The following CACNA2D1 variants were observed in gnomAD, a reference collection of about 807,000 sequenced individuals.
CACNA2D1 encodes calcium voltage-gated channel auxiliary subunit alpha2delta 1.
In CACNA2D1, 53 loss-of-function variants were observed where a neutral mutation model predicts 171.5. The ratio of observed to expected loss-of-function variants is 0.31; its 90% CI spans 0.25 to 0.39. The LOEUF is 0.39. Ranked by LOEUF, CACNA2D1 falls within the 10% of genes least tolerant of loss-of-function variation. The pLI, the probability that CACNA2D1 is intolerant of heterozygous loss-of-function variation, is 1.00. For missense variants in CACNA2D1, 903 were observed against 1,299.8 expected, an observed-to-expected ratio of 0.69 and a Z score of 4.69; for synonymous variants, 442 against 443.1, an observed-to-expected ratio of 1.00 and a Z score of 0.03.
At chr7:82,388,062 C>CA (rs772179078) in intron 1 of CACNA2D1, among the ~76,000 whole-genome samples, 2,362 of 78,714 alleles carry the variant, frequency 0.03, 53 homozygotes, top group East Asian at 0.12. Context: ...ACCCTGTCTC[C>CA]AAAAAAAAAA....
chr7:82,003,392 G>C (rs1305725228), intron 18 of CACNA2D1, among the ~76,000 whole-genome samples: 1 of 151,764 alleles, frequency 6.6e-6, no homozygotes, highest in Non-Finnish European at 1.5e-5. Context: ...TAAAGAATTT[G>C]TTTTCTCTGT....
At chr7:82,185,762 T>C (rs575351298) in intron 3 of CACNA2D1, among the ~76,000 whole-genome samples, 75 of 152,134 alleles carry the variant, frequency 4.9e-4, no homozygotes, top group African/African-American at 1.5e-3. Context: ...GAGATGTTCT[T>C]TTAAGAGATT....
At chr7:82,389,231 G>C (rs115787726) in intron 1 of CACNA2D1, among the ~76,000 whole-genome samples, 2 of 149,584 alleles carry the variant, frequency 1.3e-5, no homozygotes, top group African/African-American at 4.9e-5. Context: ...AAGAAAACAA[G>C]GATGGGAGTT....
chr7:81,966,830 C>T (rs1794747640), intron 31 of CACNA2D1, among the ~76,000 whole-genome samples: 1 of 151,298 alleles, frequency 6.6e-6, no homozygotes, highest in African/African-American at 2.4e-5. Context: ...GCATTGATAA[C>T]CAATAGGGTT....
chr7:82,270,733 G>GT (rs1808513519), intron 3 of CACNA2D1, among the ~76,000 whole-genome samples: 1 of 151,964 alleles, frequency 6.6e-6, no homozygotes, highest in African/African-American at 2.4e-5. Flanking sequence ...TTTAATTCTT[G>GT]TTTTTTAAGT....
chr7:82,377,312 T>A (rs768022080), intron 1 of CACNA2D1, among the ~76,000 whole-genome samples: 12 of 152,214 alleles, frequency 7.9e-5, no homozygotes, highest in Non-Finnish European at 1.3e-4. Context: ...TAGATCAGAA[T>A]TGTTATATTG....
intron 3 of CACNA2D1, among the ~76,000 whole-genome samples, chr7:82,202,156 T>C (rs1799509664): frequency 6.6e-6 from 1 of 152,182 alleles, no homozygotes; most frequent in Non-Finnish European, 1.5e-5. Flanking sequence ...TTGGAGCCAC[T>C]ATTGTATGTA....
chr7:81,978,963 T>A (rs1796162390), intron 24 of CACNA2D1, among the ~76,000 whole-genome samples: 1 of 149,606 alleles, frequency 6.7e-6, no homozygotes, highest in Admixed American at 6.8e-5. Flanking sequence ...TAAATTTCGA[T>A]CTTCTAGTCA....
chr7:82,088,683 CT>C (rs1184129529), intron 6 of CACNA2D1, among the ~76,000 whole-genome samples: 1 of 151,676 alleles, frequency 6.6e-6, no homozygotes, highest in African/African-American at 2.4e-5. Flanking sequence ...CGTAAAAATC[CT>C]TTGATTTGGC....
At chr7:81,998,395 T>C (rs37117) in intron 18 of CACNA2D1, among the ~76,000 whole-genome samples, 3,299 of 152,082 alleles carry the variant, frequency 0.022, 119 homozygotes, top group African/African-American at 0.074. Flanking sequence ...GTTCAAATTA[T>C]CACCATTTTA....
intron 3 of CACNA2D1, among the ~76,000 whole-genome samples, chr7:82,252,039 T>A: frequency 6.6e-6 from 1 of 152,234 alleles, no homozygotes; most frequent in Non-Finnish European, 1.5e-5. Context: ...TTTTATGTCA[T>A]TTACTATATT....
chr7:82,203,017 G>C (rs1192993966), intron 3 of CACNA2D1, among the ~76,000 whole-genome samples: 1 of 152,132 alleles, frequency 6.6e-6, no homozygotes. Flanking sequence ...GCCCAAGCGG[G>C]AGAAGGACAT....
chr7:82,376,622 T>A (rs1468401), intron 1 of CACNA2D1, among the ~76,000 whole-genome samples: 110,402 of 152,030 alleles, frequency 0.73, 40,443 homozygotes, highest in African/African-American at 0.83. Flanking sequence ...TATATAACTT[T>A]TAAAAATTCA....
At chr7:82,387,243 C>T (rs3801678) in intron 1 of CACNA2D1, among the ~76,000 whole-genome samples, 1,757 of 152,150 alleles carry the variant, frequency 0.012, 60 homozygotes, top group East Asian at 0.07. Context: ...CTAACAAAGG[C>T]AGAAATATGT....
At chr7:82,442,674 G>C (rs776412437) in intron 1 of CACNA2D1, among the ~76,000 whole-genome samples, 2 of 152,156 alleles carry the variant, frequency 1.3e-5, no homozygotes, top group African/African-American at 4.8e-5. Flanking sequence ...CTCCTTCAAA[G>C]AATAGGCTCT....
chr7:81,963,933 T>G (rs979516840), intron 34 of CACNA2D1, 123 bp downstream of exon 34: 1 of 773,578 alleles, frequency 1.3e-6, no homozygotes, highest in African/African-American at 1.7e-5. Context: ...ATGTAAAGAA[T>G]GAAAACAACT....
intron 3 of CACNA2D1, among the ~76,000 whole-genome samples, chr7:82,238,074 T>C (rs1441403437): frequency 6.6e-6 from 1 of 151,970 alleles, no homozygotes; most frequent in Non-Finnish European, 1.5e-5. Context: ...CTATCTTCTA[T>C]TGTGAATGAG....
chr7:82,107,208 A>C (rs1374688467), intron 6 of CACNA2D1, among the ~76,000 whole-genome samples: 2 of 152,178 alleles, frequency 1.3e-5, no homozygotes, highest in African/African-American at 4.8e-5. Flanking sequence ...TACCCTAGGT[A>C]GTTCTGGGGA....
At chr7:82,050,510 C>G (rs1394906282) in intron 10 of CACNA2D1, 2 of 695,764 alleles carry the variant, frequency 2.9e-6, no homozygotes, top group East Asian at 2.7e-5. Flanking sequence ...GAGGAAGTCC[C>G]TGATCTTATA....
Sources: allele counts gnomAD v4.1 joint callset (sites outside exome capture counted in the v4.1 genomes callset), GRCh38; gene constraint gnomAD v4.1.1; transcripts MANE v1.5; gene names NCBI Gene and HGNC (gene_info 2026-07-23, HGNC 2026-07-21).